Variants in CTNNA3 observed in about 807,000 individuals in gnomAD.
The protein encoded by CTNNA3 is catenin alpha 3.
CTNNA3 carries 76 observed loss-of-function variants against 95.7 expected under a neutral mutation model. That is an observed-to-expected ratio of 0.79 (90% CI 0.66 to 0.96). The LOEUF (loss-of-function observed/expected upper bound fraction) is 0.96, where lower values mean the gene tolerates loss of function less well. CTNNA3 is among the 40% of genes least tolerant of loss of function. CTNNA3 has a pLI of 0.00. For missense variants in CTNNA3, 1,191 were observed against 1,089.8 expected, an observed-to-expected ratio of 1.09 and a Z score of -1.31; for synonymous variants, 431 against 374.4, an observed-to-expected ratio of 1.15 and a Z score of -1.74.
At chr10:67,231,453 C>A (rs1426941326) in intron 5 of CTNNA3, among the ~76,000 whole-genome samples, 2 of 152,158 alleles carry the variant, frequency 1.3e-5, no homozygotes, top group Non-Finnish European at 2.9e-5. Flanking sequence ...AACAGACCTG[C>A]AGCTGAGGGT....
chr10:66,793,296 C>T (rs1391572797), intron 7 of CTNNA3, among the ~76,000 whole-genome samples: 2 of 152,022 alleles, frequency 1.3e-5, no homozygotes, highest in African/African-American at 4.8e-5. Context: ...TGCACATCAC[C>T]ACACCCAGAA....
chr10:66,743,148 C>T (rs1418590886), intron 9 of CTNNA3, among the ~76,000 whole-genome samples: 1 of 152,022 alleles, frequency 6.6e-6, no homozygotes, highest in African/African-American at 2.4e-5. Flanking sequence ...CTGGCTGACC[C>T]CAAACACCTC....
chr10:66,885,148 C>T (rs1374053819), intron 7 of CTNNA3, among the ~76,000 whole-genome samples: 2 of 152,090 alleles, frequency 1.3e-5, no homozygotes, highest in African/African-American at 4.8e-5. Flanking sequence ...CATCCCTCAT[C>T]GTGTGGAAAG....
At chr10:67,726,836 T>C (rs1170703122) in intron 1 of CTNNA3, among the ~76,000 whole-genome samples, 4 of 113,010 alleles carry the variant, frequency 3.5e-5, no homozygotes, top group Non-Finnish European at 4.9e-5. Flanking sequence ...GTATCATATA[T>C]AATATATAGT....
At chr10:67,418,588 G>A (rs1442931824) in intron 5 of CTNNA3, among the ~76,000 whole-genome samples, 10 of 151,572 alleles carry the variant, frequency 6.6e-5, no homozygotes, top group African/African-American at 2.4e-4. Flanking sequence ...TAAGTGATAT[G>A]TCAGGCACAG....
chr10:66,006,009 C>CT (rs11415177), intron 15 of CTNNA3, among the ~76,000 whole-genome samples: 26,604 of 115,888 alleles, frequency 0.23, 3,457 homozygotes, highest in Middle Eastern at 0.31. Flanking sequence ...CAAGGAAAGC[C>CT]TTTTTTTTTT....
At chr10:66,834,605 T>C (rs182498710) in intron 7 of CTNNA3, among the ~76,000 whole-genome samples, 17 of 152,332 alleles carry the variant, frequency 1.1e-4, no homozygotes, top group Admixed American at 3.3e-4. Flanking sequence ...GAACACAAGT[T>C]ATTTGAAGAT....
chr10:67,079,445 A>G (rs1005488075), intron 7 of CTNNA3, among the ~76,000 whole-genome samples: 1 of 152,220 alleles, frequency 6.6e-6, no homozygotes, highest in African/African-American at 2.4e-5. Flanking sequence ...GAAAACCCCA[A>G]TAAAGCCAAT....
chr10:67,624,577 T>G (rs1843964656), intron 2 of CTNNA3, among the ~76,000 whole-genome samples: 1 of 152,228 alleles, frequency 6.6e-6, no homozygotes, highest in African/African-American at 2.4e-5. Context: ...CCTGTTAATC[T>G]GCCTCTTGTC....
intron 9 of CTNNA3, among the ~76,000 whole-genome samples, chr10:66,670,178 G>C (rs1305365857): frequency 6.6e-6 from 1 of 152,038 alleles, no homozygotes; most frequent in African/African-American, 2.4e-5. Context: ...CACTATTGTT[G>C]CCATAACAAA....
chr10:67,529,590 T>G (rs1840258758), intron 4 of CTNNA3, among the ~76,000 whole-genome samples: 1 of 151,424 alleles, frequency 6.6e-6, no homozygotes, highest in African/African-American at 2.4e-5. Context: ...CATGTATACA[T>G]ATGTAACTAA....
chr10:66,985,878 C>T lies in CTNNA3; in HGVS notation c.1047+194439G>A, dbSNP rs1319509289. 3.3e-5 allele frequency among the ~76,000 whole-genome samples: 5 copies of T among 152,092 alleles called. No homozygotes were observed. In the South Asian group the frequency reaches 1.0e-3, roughly 32 times the overall value. ...AAGTAACTGGGATTACAGGTGCTCG[C>T]CACCACACCCAGCTAATTTTTGTAT... On this transcript the variant is annotated intron_variant, in intron 7 of 17. Coordinates refer to ENST00000433211, the MANE Select transcript of CTNNA3 (RefSeq NM_013266.4).
intron 13 of CTNNA3, among the ~76,000 whole-genome samples, chr10:66,149,325 G>T (rs1242205047): frequency 7.3e-5 from 11 of 150,268 alleles, no homozygotes; most frequent in African/African-American, 2.4e-4. Flanking sequence ...TTATACATAA[G>T]ATTAAAGTCA....
At chr10:66,494,484 A>G (rs1840036710) in intron 11 of CTNNA3, among the ~76,000 whole-genome samples, 1 of 152,154 alleles carries the variant, frequency 6.6e-6, no homozygotes, top group Non-Finnish European at 1.5e-5. Context: ...TCATTCTTTT[A>G]TTTCTACTAA....
intron 7 of CTNNA3, among the ~76,000 whole-genome samples, chr10:66,797,631 G>A (rs1841259007): frequency 6.6e-6 from 1 of 151,858 alleles, no homozygotes; most frequent in Non-Finnish European, 1.5e-5. Flanking sequence ...GATACTGTCA[G>A]TAGCTGTGCA....
intron 12 of CTNNA3, among the ~76,000 whole-genome samples, chr10:66,342,128 A>G (rs1334312406): frequency 6.6e-6 from 1 of 152,008 alleles, no homozygotes; most frequent in East Asian, 1.9e-4. Context: ...GTTAGTCCTT[A>G]TCTAGGTCTT....
In CTNNA3 at chr10:67,029,064, A is replaced by T. The variant is rs990252514; in HGVS notation, c.1047+151253T>A. On this transcript the variant is annotated intron_variant, in intron 7 of 17. Coordinates refer to ENST00000433211, the MANE Select transcript of CTNNA3 (RefSeq NM_013266.4). ...CTAGCCCAGGAGTATATGTGGATGT[A>T]AGAGCACACTACGGTGAGTTCAAAA... Among the ~76,000 whole-genome samples the T allele has an allele frequency of 6.5e-4, 99 of 152,164 alleles. 1 individual carries two copies. The highest frequency in any genetic ancestry group is 2.2e-3 in the African/African-American group (93 of 41,444).
At chr10:66,916,175 G>A (rs905522717) in intron 7 of CTNNA3, among the ~76,000 whole-genome samples, 4 of 152,166 alleles carry the variant, frequency 2.6e-5, no homozygotes, top group African/African-American at 4.8e-5. Flanking sequence ...AAAGCAAAAC[G>A]CTGAATGAGA....
intron 12 of CTNNA3, among the ~76,000 whole-genome samples, chr10:66,291,488 C>T (rs2091679454): frequency 1.3e-5 from 2 of 152,034 alleles, no homozygotes; most frequent in Non-Finnish European, 2.9e-5. Context: ...TTGGTTGGCT[C>T]CCCGAATACT....
Sources: gnomAD v4.1 joint callset for allele counts (sites outside exome capture counted in the v4.1 genomes callset) on GRCh38, gnomAD v4.1.1 for gene constraint, MANE v1.5 for transcripts, NCBI Gene and HGNC (gene_info 2026-07-23, HGNC 2026-07-21) for gene names.